The following UBE3C variants were observed in gnomAD, a reference collection of about 807,000 sequenced individuals.
UBE3C encodes ubiquitin protein ligase E3C, also known as ubiquitin-protein ligase E3C.
A neutral mutation model predicts 129.4 loss-of-function variants in UBE3C; 42 were observed. That is an observed-to-expected ratio of 0.32 (90% CI 0.25 to 0.42). The LOEUF (loss-of-function observed/expected upper bound fraction) is 0.42, where lower values mean the gene tolerates loss of function less well. UBE3C is among the 10% of genes least tolerant of loss of function. The probability of loss-of-function intolerance (pLI) is 1.00; values close to 1 mark genes in which losing one functional copy is unlikely to be tolerated. For synonymous variants in UBE3C, 510 were observed against 492.4 expected (o/e 1.04, Z -0.47); for missense variants, 1,049 against 1,319.1 (o/e 0.80, Z 3.17).
intron 4 of UBE3C, 126 bp downstream of exon 4, chr7:157,170,576 T>A: frequency 6.7e-6 from 7 of 1,042,868 alleles, no homozygotes; most frequent in Non-Finnish European, 8.9e-6. Flanking sequence ...TGCAAACTTC[T>A]CAGCTAGCTG....
chr7:157,248,553 G>A lies in UBE3C; in HGVS notation c.2667G>A (p.Val889=), dbSNP rs1796538768. The change falls in exon 19 of 23, where the codon GTG becomes GTA. Residue 889 remains valine, a synonymous_variant. Transcript: ENST00000348165. ...DVEELGLNFT[V]VNNDLGEAQV... ...AGGAGCTTGGGCTGAACTTCACTGT[G>A]GTGAACAATGACCTGGGAGAGGCGC... The A allele has an allele frequency of 1.2e-6, 2 of 1,612,568 alleles. No homozygotes were observed. Among genetic ancestry groups the A allele is most frequent in the Non-Finnish European group, 1.7e-6 (2 of 1,180,028 alleles).
At chr7:157,155,895 C>G (rs889077524) in intron 1 of UBE3C, among the ~76,000 whole-genome samples, 1 of 152,162 alleles carries the variant, frequency 6.6e-6, no homozygotes. Context: ...TGGCCTCGGT[C>G]GTTTCAGAGA....
chr7:157,190,358 T>G (rs769354197), intron 10 of UBE3C, among the ~76,000 whole-genome samples: 1 of 150,232 alleles, frequency 6.7e-6, no homozygotes, highest in Non-Finnish European at 1.5e-5. Flanking sequence ...AGGCCCGTCA[T>G]CTACTTGGTT....
At chr7:157,171,872 A>G (rs1808387675) in intron 4 of UBE3C, among the ~76,000 whole-genome samples, 1 of 149,716 alleles carries the variant, frequency 6.7e-6, no homozygotes, top group African/African-American at 2.5e-5. Flanking sequence ...ACGCCCAGCT[A>G]ATTTTTGTAT....
chr7:157,147,758 T>G (rs1807646971), intron 1 of UBE3C, among the ~76,000 whole-genome samples: 1 of 152,218 alleles, frequency 6.6e-6, no homozygotes, highest in Non-Finnish European at 1.5e-5. Context: ...GAATGAAGGT[T>G]GGGTTTTGTC....
chr7:157,183,990 T>TGAG lies in UBE3C; in HGVS notation c.1111_1113dup (p.Glu371dup). 3.1e-6 allele frequency: 5 copies of TGAG among 1,614,178 alleles called. No individual in the cohort carries two copies. Among genetic ancestry groups the TGAG allele is most frequent in the Non-Finnish European group, 4.2e-6 (5 of 1,180,020 alleles). ...GCTGTCACGACTCAGCCAGTGACTC[T>TGAG]GAGGAGGAGAGTGAAGAAGCCGACA... On this transcript the variant is annotated inframe_insertion, in exon 9 of 23. Transcript: ENST00000348165.
chr7:157,224,584 C>T (rs1470261589), intron 16 of UBE3C, among the ~76,000 whole-genome samples: 1 of 152,118 alleles, frequency 6.6e-6, no homozygotes, highest in Non-Finnish European at 1.5e-5. Context: ...TATATGTTTC[C>T]AAATTTTAAA....
chr7:157,187,339 A>G (rs1472960877), intron 10 of UBE3C, among the ~76,000 whole-genome samples: 3 of 150,926 alleles, frequency 2.0e-5, no homozygotes, highest in African/African-American at 7.3e-5. Context: ...ACTATGTTAC[A>G]TATCTTTTTA....
chr7:157,217,603 G>A (rs938543582), intron 14 of UBE3C, among the ~76,000 whole-genome samples: 2 of 151,782 alleles, frequency 1.3e-5, no homozygotes, highest in African/African-American at 4.8e-5. Flanking sequence ...TGGGGAAGCC[G>A]ACGGGCAGAT....
intron 10 of UBE3C, 75 bp downstream of exon 10, chr7:157,187,096 T>C: frequency 6.8e-7 from 1 of 1,468,318 alleles, no homozygotes; most frequent in Non-Finnish European, 9.1e-7. Context: ...ATTGCTCTCC[T>C]CTTAAGTTTT....
At chr7:157,251,291 A>G (rs1796615075) in intron 19 of UBE3C, among the ~76,000 whole-genome samples, 1 of 152,164 alleles carries the variant, frequency 6.6e-6, no homozygotes, top group South Asian at 2.1e-4. Context: ...GCTGCTCTCA[A>G]ATTTGTTTTT....
intron 16 of UBE3C, among the ~76,000 whole-genome samples, 153 bp downstream of exon 16, chr7:157,223,504 A>T (rs1795793991): frequency 6.6e-6 from 1 of 152,264 alleles, no homozygotes; most frequent in Non-Finnish European, 1.5e-5. Flanking sequence ...AGAATGATTT[A>T]TAAAACCCAA....
Position 157,139,137 on chromosome 7 carries a change from G to T in UBE3C, c.-136G>T, listed in dbSNP as rs1807348208. 7.4e-6 allele frequency: 3 copies of T among 403,298 alleles called. No homozygotes were observed. Among genetic ancestry groups the T allele is most frequent in the African/African-American group, 4.3e-5 (2 of 45,990 alleles). 25.0% of individuals were successfully genotyped at this position (403,298 alleles called of 1,614,324 possible). A position where few individuals can be genotyped will look rare whatever the true frequency, so the allele number is the denominator to read the frequency against. On this transcript the variant is annotated 5_prime_UTR_variant, in exon 1 of 23. Coordinates refer to ENST00000348165, the MANE Select transcript of UBE3C (RefSeq NM_014671.3). ...GGGTACAGCCCGGGGGCGGGCTCGG[G>T]TCGCCTCCCGGCCGCCGCGTCCTCG...
intron 22 of UBE3C, among the ~76,000 whole-genome samples, chr7:157,260,894 G>C (rs190041080): frequency 1.3e-5 from 2 of 152,190 alleles, no homozygotes; most frequent in African/African-American, 4.8e-5. Context: ...CTAGGAGTGC[G>C]AGAGCCTTCT....
At chr7:157,198,417 C>A in intron 10 of UBE3C, 3 of 642,398 alleles carry the variant, frequency 4.7e-6, no homozygotes, top group Non-Finnish European at 8.5e-6. Context: ...GCAGGTTCTT[C>A]ACATTAAGTT....
chr7:157,259,767 A>G (rs1000009085), intron 22 of UBE3C, among the ~76,000 whole-genome samples: 5 of 152,156 alleles, frequency 3.3e-5, no homozygotes, highest in Non-Finnish European at 7.4e-5. Flanking sequence ...CCAAAACCGG[A>G]TTGTGGGGGT....
intron 13 of UBE3C, among the ~76,000 whole-genome samples, chr7:157,210,810 T>C (rs1809569551): frequency 6.6e-6 from 1 of 152,174 alleles, no homozygotes; most frequent in African/African-American, 2.4e-5. Flanking sequence ...CATTTTTCAG[T>C]CCTATCATGG....
intron 13 of UBE3C, among the ~76,000 whole-genome samples, chr7:157,209,357 G>T (rs1425089314): frequency 6.6e-6 from 1 of 152,198 alleles, no homozygotes; most frequent in Non-Finnish European, 1.5e-5. Context: ...AATTTGGGCA[G>T]ATTGATGTAA....
chr7:157,187,164 A>T (rs980306191), intron 10 of UBE3C, 143 bp downstream of exon 10: 2 of 1,082,568 alleles, frequency 1.8e-6, no homozygotes, highest in Non-Finnish European at 2.5e-6. Flanking sequence ...AGCGTTTCAT[A>T]AAAAATAATT....
Sources: allele counts gnomAD v4.1 joint callset (sites outside exome capture counted in the v4.1 genomes callset), GRCh38; gene constraint gnomAD v4.1.1; transcripts MANE v1.5; gene names NCBI Gene and HGNC (gene_info 2026-07-23, HGNC 2026-07-21).